The following EPRS1 variants were observed in gnomAD, a reference collection of about 807,000 sequenced individuals.
The protein encoded by EPRS1 is bifunctional glutamate/proline--tRNA ligase.
In EPRS1, 107 loss-of-function variants were observed where a neutral mutation model predicts 188.3. The ratio of observed to expected loss-of-function variants is 0.57; its 90% CI spans 0.49 to 0.67. The LOEUF (loss-of-function observed/expected upper bound fraction) is 0.67. Ranked by LOEUF, EPRS1 falls within the 30% of genes least tolerant of loss-of-function variation. EPRS1 has a pLI of 0.00. For synonymous variants in EPRS1, 596 were observed against 593.1 expected, an observed-to-expected ratio of 1.00 and a Z score of -0.07; for missense variants, 1,577 against 1,802.2, an observed-to-expected ratio of 0.88 and a Z score of 2.26.
chr1:220,024,007 C>T (rs1661924243), intron 8 of EPRS1, among the ~76,000 whole-genome samples: 1 of 152,126 alleles, frequency 6.6e-6, no homozygotes, highest in Non-Finnish European at 1.5e-5. Context: ...CAAAAATTAG[C>T]AAGGTGTGGT....
chr1:219,977,075 G>T (rs545246802), intron 28 of EPRS1, among the ~76,000 whole-genome samples: 2 of 152,084 alleles, frequency 1.3e-5, no homozygotes, highest in South Asian at 4.1e-4. Context: ...TTCAAAATGC[G>T]CGTACACATC....
chr1:219,983,141 C>T (rs1470795712), intron 22 of EPRS1, 48 bp downstream of exon 22: 2 of 1,420,324 alleles, frequency 1.4e-6, no homozygotes, highest in Admixed American at 2.2e-5. Flanking sequence ...ATATATTTTC[C>T]AGTTTGTCAG....
intron 12 of EPRS1, 126 bp from the exon 13 acceptor site, chr1:220,011,182 C>G: frequency 1.8e-6 from 1 of 562,830 alleles, no homozygotes; most frequent in Non-Finnish European, 3.2e-6. Flanking sequence ...TTTTTTTCAA[C>G]TGTTAACTCT....
intron 2 of EPRS1, among the ~76,000 whole-genome samples, chr1:220,038,388 A>ATTTTT (rs1232114992): frequency 5.1e-5 from 1 of 19,586 alleles, no homozygotes; most frequent in Non-Finnish European, 8.3e-5. Context: ...AGCTCAGTTT[A>ATTTTT]TCTTTTTTTT....
chr1:220,040,496 T>G lies in EPRS1; in HGVS notation c.47-227A>C, dbSNP rs368360156. Among the ~76,000 whole-genome samples, 67 of 152,348 alleles carry G rather than the reference T, an allele frequency of 4.4e-4. 1 individual carries two copies. The highest frequency in any genetic ancestry group is 1.6e-3 in the African/African-American group (65 of 41,592). ...CATATCCAACTGGTTTTGAATTTGT[T>G]CAGCTTTCAGTTAGAGACACTGAAA... On this transcript the variant is annotated intron_variant, in intron 1 of 31. Coordinates refer to ENST00000366923, the MANE Select transcript of EPRS1 (RefSeq NM_004446.3).
intron 12 of EPRS1, 79 bp from the exon 13 acceptor site, chr1:220,011,135 A>G (rs1661597667): frequency 1.3e-6 from 1 of 771,834 alleles, no homozygotes; most frequent in Non-Finnish European, 2.2e-6. Context: ...ATAGCACAGG[A>G]ATACTAACTG....
rs1443989835 is a variant in EPRS1 at position 219,987,326 on chromosome 1, G to A, written c.2854C>T (p.Pro952Ser). 1 of 1,613,660 alleles carries A rather than the reference G, an allele frequency of 6.2e-7. No homozygotes were observed. The highest frequency in any genetic ancestry group is 8.5e-7 in the Non-Finnish European group (1 of 1,179,898). ...YKSLIGVEYK[P>S]VSATGAEDKD... Reference sequence around the variant, plus strand: ...TCCTCAGCTCCAGTGGCCGACACAGGCTTATACTCTACTCCTATCAAAGAC... The same window carrying A: ...TCCTCAGCTCCAGTGGCCGACACAGACTTATACTCTACTCCTATCAAAGAC... Residue 952 changes from proline to serine, a missense_variant, in exon 20 of 32, where the codon CCT becomes TCT. By Grantham distance (74) the Pro-to-Ser change is moderately conservative. Around this residue, in one of 3 missense-constraint regions of EPRS1, gnomAD observed 1,278 missense variants for 1,457.4 expected, o/e 0.88. Transcript: ENST00000366923.
chr1:220,042,488 A>G (rs1006758188), intron 1 of EPRS1, among the ~76,000 whole-genome samples: 19 of 147,094 alleles, frequency 1.3e-4, no homozygotes, highest in African/African-American at 4.5e-4. Context: ...CCATCTCCCA[A>G]AAAAAAAAAA....
rs1253309673 is a variant in EPRS1 at position 220,005,834 on chromosome 1, T to G, written c.1950+272A>C. 2.4e-4 allele frequency among the ~76,000 whole-genome samples: 10 copies of G among 40,944 alleles called. No homozygotes were observed. The South Asian group carries it at 2.9e-3, about 12-fold the overall frequency. 26.9% of individuals were successfully genotyped at this position (40,944 alleles called of 152,430 possible). On this transcript the variant is annotated intron_variant, in intron 15 of 31. Coordinates refer to ENST00000366923, the MANE Select transcript of EPRS1 (RefSeq NM_004446.3). ...CTTACATCGTTTTTTTTTTTGTTTT[T>G]TTTTTTGTTTTTTTTTGTAGAGACG...
chr1:220,001,283 G>GT (rs1182693886), intron 16 of EPRS1, 28 bp from the exon 17 acceptor site: 4 of 1,374,916 alleles, frequency 2.9e-6, no homozygotes, highest in Non-Finnish European at 4.2e-6. Flanking sequence ...GGACAAAATA[G>GT]TTTATTTGAA....
chr1:219,970,418 T>C (rs1446445417), intron 30 of EPRS1, among the ~76,000 whole-genome samples: 1 of 28,638 alleles, frequency 3.5e-5, no homozygotes, highest in Non-Finnish European at 5.5e-5. Flanking sequence ...CAGAAAATCG[T>C]AAATAAAGTG....
rs1214559560 is a variant in EPRS1, at chr1:219,980,125, G to A, written c.3671C>T (p.Thr1224Ile). The A allele has an allele frequency of 4.3e-6, 7 of 1,613,698 alleles. No individual in the cohort carries two copies. Among genetic ancestry groups the A allele is most frequent in the Non-Finnish European group, 5.9e-6 (7 of 1,179,864 alleles). ...ACTAGCAGATATAAATGCTTCTATT[G>A]TAGTTGTATAGTCTCCTCCTGCAAA... The part of the protein sequence containing the change: ...EKFAGGDYTT[T>I]IEAFISASGR... The change falls in exon 26 of 32, where the codon ACA becomes ATA. Residue 1224 changes from threonine (T) to isoleucine (I), a missense_variant. Around this residue, in one of 3 missense-constraint regions of EPRS1, gnomAD observed 1,278 missense variants for 1,457.4 expected, o/e 0.88. Transcript: ENST00000366923.
At chr1:220,005,817 G>GT (rs765781858) in intron 15 of EPRS1, among the ~76,000 whole-genome samples, 14,981 of 119,374 alleles carry the variant, frequency 0.13, 1,295 homozygotes, top group East Asian at 0.33. Context: ...TACTTACATC[G>GT]TTTTTTTTTT....
intron 2 of EPRS1, among the ~76,000 whole-genome samples, chr1:220,036,817 GA>G (rs1366565400): frequency 1.3e-5 from 2 of 151,908 alleles, no homozygotes; most frequent in African/African-American, 4.8e-5. Flanking sequence ...ATGTACCACT[GA>G]ACCTAAAATA....
At chr1:220,001,357 GC>G (rs1442039187) in intron 16 of EPRS1, 102 bp from the exon 17 acceptor site, 4 of 731,582 alleles carry the variant, frequency 5.5e-6, no homozygotes, top group Admixed American at 2.3e-5. Flanking sequence ...CTAAGTTAAT[GC>G]TTTTCTTTCT....
chr1:219,987,233 C>G lies in EPRS1; in HGVS notation c.2947G>C (p.Asp983His), dbSNP rs1173759140. 3 of 1,614,076 alleles carry G rather than the reference C, an allele frequency of 1.9e-6. No homozygotes were observed. The highest frequency in any genetic ancestry group is 3.3e-5 in the Admixed American group (2 of 59,998). The change falls in exon 20 of 32, where the codon GAT (aspartate) becomes CAT (histidine). Residue 983 changes from aspartate (D) to histidine (H), a missense_variant. This residue lies in a region of EPRS1 where 1,278 missense variants were observed against 1,457.4 expected (regional missense o/e 0.88). Transcript: ENST00000366923. ...EKQNKPQKQN[D>H]GQRKDPSKNQ... The stretch of plus-strand genomic sequence containing the variant: ...TTAGAAGGGTCTTTCCTTTGGCCAT[C>G]ATTTTGTTTCTGAGGCTTATTCTGC...
chr1:220,023,324 G>A (rs1661912176), intron 8 of EPRS1, among the ~76,000 whole-genome samples: 1 of 152,098 alleles, frequency 6.6e-6, no homozygotes, highest in Non-Finnish European at 1.5e-5. Flanking sequence ...AAGTCCATTG[G>A]TTAGCCACCT....
At chr1:220,041,581 C>G (rs1231530100) in intron 1 of EPRS1, among the ~76,000 whole-genome samples, 4 of 152,152 alleles carry the variant, frequency 2.6e-5, no homozygotes, top group Non-Finnish European at 5.9e-5. Context: ...TGGTTCACGC[C>G]TATAATCCCA....
rs1220025497 is a variant in EPRS1 at position 219,997,295 on chromosome 1, A to C, written c.2229T>G (p.Asn743Lys). 6.2e-7 allele frequency: 1 copy of C among 1,612,626 alleles called. No homozygotes were observed. The highest frequency in any genetic ancestry group is 1.7e-5 in the Admixed American group (1 of 59,874). ...KERPTPSLNNNCTTSEDSLVL... is the reference protein window; with the variant it reads ...KERPTPSLNNKCTTSEDSLVL... The stretch of plus-strand genomic sequence containing the variant: ...CCAAGGAATCCTCAGATGTAGTACA[A>C]TTATTATTCAGAGAAGGTGTTGGTC... The change falls in exon 18 of 32, where the codon AAT (asparagine) becomes AAG (lysine). Residue 743 changes from asparagine to lysine, a missense_variant. Asn to Lys is a moderately conservative substitution (Grantham distance 94, BLOSUM62 0). Transcript: ENST00000366923.
Sources: gnomAD v4.1 joint callset for allele counts (sites outside exome capture counted in the v4.1 genomes callset) on GRCh38, gnomAD v4.1.1 for gene constraint, gnomAD v4.1.1 regional missense constraint, MANE v1.5 for transcripts, NCBI Gene and HGNC (gene_info 2026-07-23, HGNC 2026-07-21) for gene names.